The following FKBP15 variants were observed in gnomAD, a reference collection of about 807,000 sequenced individuals.
FKBP15 encodes the protein FKBP prolyl isomerase family member 15, also known as FK506-binding protein 15.
FKBP15 carries 106 observed loss-of-function variants against 158.1 expected under a neutral mutation model. The ratio of observed to expected loss-of-function variants is 0.67; its 90% CI spans 0.57 to 0.79. The LOEUF is 0.79. FKBP15 is among the 30% of genes least tolerant of loss of function. The pLI, the probability that FKBP15 is intolerant of heterozygous loss-of-function variation, is 0.00. For synonymous variants in FKBP15, 547 were observed against 548.6 expected (o/e 1.00, Z 0.04); for missense variants, 1,287 against 1,479.1 (o/e 0.87, Z 2.13).
At position 113,169,540 on chromosome 9, in the gene FKBP15, C is replaced by CA. The variant is rs1830165683; in HGVS notation, c.3168dup (p.Glu1057Ter). 6.2e-7 allele frequency: 1 copy of CA among 1,614,048 alleles called. No homozygotes were observed. The highest frequency in any genetic ancestry group is 8.5e-7 in the Non-Finnish European group (1 of 1,179,896). On this transcript the variant is annotated frameshift_variant, in exon 26 of 28. Transcript: ENST00000238256. LOFTEE classifies it high-confidence loss of function. The stretch of plus-strand genomic sequence containing the variant: ...CTGGCAGCAAGTGACTCCTCACACT[C>CA]AGAGTCCATGGATACAGGGCCTAGG...
rs1830753503 is a variant in FKBP15 at position 113,199,799 on chromosome 9, G to C, written c.648+15C>G. On this transcript the variant is annotated intron_variant, in intron 7 of 27. Coordinates refer to ENST00000238256, the MANE Select transcript of FKBP15 (RefSeq NM_015258.2). ...TATAAGTTTACAAAAGAACTTGCAG[G>C]GTGCATTTTCTTACCTGGCCCAGCA... The C allele has an allele frequency of 1.9e-6, 3 of 1,607,690 alleles. No homozygotes were observed. Among genetic ancestry groups the C allele is most frequent in the Non-Finnish European group, 8.5e-7 (1 of 1,177,050 alleles).
At chr9:113,212,262 C>T (rs1315803158) in intron 1 of FKBP15, among the ~76,000 whole-genome samples, 1 of 152,100 alleles carries the variant, frequency 6.6e-6, no homozygotes, top group Non-Finnish European at 1.5e-5. Flanking sequence ...GATCCCGGCT[C>T]ACTGCAACCT....
chr9:113,172,560 A>T (rs1830232893), intron 23 of FKBP15, among the ~76,000 whole-genome samples: 1 of 152,118 alleles, frequency 6.6e-6, no homozygotes, highest in African/African-American at 2.4e-5. Flanking sequence ...CCACTCCCTC[A>T]GCCCCCACCC....
At position 113,216,083 on chromosome 9, in the gene FKBP15, G is replaced by GAAAAAAAA. The variant is rs71491081; in HGVS notation, c.54-4499_54-4492dup. Among the ~76,000 whole-genome samples, 241 of 85,912 alleles carry GAAAAAAAA rather than the reference G, an allele frequency of 2.8e-3. 2 individuals carry two copies. Among genetic ancestry groups the GAAAAAAAA allele is most frequent in the African/African-American group, 3.5e-3 (79 of 22,662 alleles). 56.4% of individuals were successfully genotyped at this position (85,912 alleles called of 152,430 possible). A position where few individuals can be genotyped will look rare whatever the true frequency, so the allele number is the denominator to read the frequency against. On this transcript the variant is annotated intron_variant, in intron 1 of 27. Coordinates refer to ENST00000238256, the MANE Select transcript of FKBP15 (RefSeq NM_015258.2). ...GGGTTGGACACAACCTTTATTTTGT[G>GAAAAAAAA]AAAAAAAAAAAAAAAAAAATCTGCA...
chr9:113,168,069 T>A (rs559585526), intron 27 of FKBP15, among the ~76,000 whole-genome samples: 15 of 152,180 alleles, frequency 9.9e-5, no homozygotes, highest in Non-Finnish European at 1.8e-4. Flanking sequence ...TCAGGTTTTT[T>A]ATCTATGAAT....
chr9:113,171,073 C>G (rs929652827), intron 24 of FKBP15, among the ~76,000 whole-genome samples: 1 of 152,210 alleles, frequency 6.6e-6, no homozygotes, highest in Non-Finnish European at 1.5e-5. Context: ...GGGTTTGCCA[C>G]TTAATATGTA....
chr9:113,173,640 G>C (rs758566444), intron 22 of FKBP15, 35 bp from the exon 23 acceptor site: 164 of 1,596,736 alleles, frequency 1.0e-4, no homozygotes, highest in South Asian at 1.8e-4. Context: ...ATCATCCTTG[G>C]GGGTGGGGGA....
At chr9:113,214,179 G>C (rs949599385) in intron 1 of FKBP15, among the ~76,000 whole-genome samples, 1 of 152,146 alleles carries the variant, frequency 6.6e-6, no homozygotes, top group African/African-American at 2.4e-5. Flanking sequence ...ATTTTTTGTA[G>C]AGACAGGGTT....
At chr9:113,168,654 A>C in intron 26 of FKBP15, 98 bp from the exon 27 acceptor site, 1 of 1,003,838 alleles carries the variant, frequency 1.0e-6, no homozygotes, top group Non-Finnish European at 1.5e-6. Flanking sequence ...TAAGAATTCA[A>C]CAGCGTTGGT....
chr9:113,189,281 G>A (rs1250974660), intron 12 of FKBP15, among the ~76,000 whole-genome samples: 1 of 152,128 alleles, frequency 6.6e-6, no homozygotes, highest in Non-Finnish European at 1.5e-5. Context: ...TCTAATAACA[G>A]AGTGAAAGGA....
rs1184696905 is a variant in FKBP15, at chr9:113,162,492, C to T, written c.*3586G>A. On this transcript the variant is annotated 3_prime_UTR_variant, in exon 28 of 28. Coordinates refer to ENST00000238256, the MANE Select transcript of FKBP15 (RefSeq NM_015258.2). ...CAGAAAGACAGATTATAGATACCCT[C>T]ATTTTCCCCTTTGCCTAGGATGCCA... The T allele has an allele frequency of 2.8e-6, 1 of 354,206 alleles. No individual in the cohort carries two copies. The highest frequency in any genetic ancestry group is 2.2e-5 in the African/African-American group (1 of 45,556). 21.9% of individuals were successfully genotyped at this position (354,206 alleles called of 1,614,324 possible).
chr9:113,216,639 T>C (rs1251059777), intron 1 of FKBP15, among the ~76,000 whole-genome samples: 2 of 152,324 alleles, frequency 1.3e-5, no homozygotes, highest in East Asian at 1.9e-4. Flanking sequence ...CAGTGAAAAA[T>C]GTACAAAGCT....
intron 1 of FKBP15, among the ~76,000 whole-genome samples, chr9:113,214,237 C>T (rs756615158): frequency 8.5e-5 from 13 of 152,218 alleles, no homozygotes; most frequent in Non-Finnish European, 1.3e-4. Flanking sequence ...TCAAGTGATC[C>T]ACCCACCTTG....
intron 1 of FKBP15, among the ~76,000 whole-genome samples, chr9:113,216,472 G>A (rs920812434): frequency 2.5e-4 from 38 of 152,188 alleles, no homozygotes; most frequent in South Asian, 2.1e-4. Context: ...GATTGTAAAC[G>A]CAATGCTTGA....
Position 113,165,728 on chromosome 9 carries a change from T to G in FKBP15, c.*350A>C. 1 of 195,498 alleles carries G rather than the reference T, an allele frequency of 5.1e-6. No individual in the cohort carries two copies. Among genetic ancestry groups the G allele is most frequent in the Non-Finnish European group, 1.1e-5 (1 of 94,368 alleles). The allele number at this position is 195,498 out of a possible 1,614,324, so 12.1% of individuals were successfully genotyped here. A position where few individuals can be genotyped will look rare whatever the true frequency, so the allele number is the denominator to read the frequency against. ...GCCGGGGCACAGTTGAGCACTGGAT[T>G]CAGGTAGAGGAGGGCTCCCAGGTCA... On this transcript the variant is annotated 3_prime_UTR_variant, in exon 28 of 28. Transcript: ENST00000238256.
Position 113,215,618 on chromosome 9 carries a change from GTGTGTGTATA to G in FKBP15, c.54-4036_54-4027del, listed in dbSNP as rs1437080988. Among the ~76,000 whole-genome samples the G allele has an allele frequency of 3.9e-4, 45 of 114,958 alleles. 1 individual carries two copies. The East Asian group carries it at 6.5e-3, about 17-fold the overall frequency. The allele number at this position is 114,958 out of a possible 152,430, so 75.4% of individuals were successfully genotyped here. A position where few individuals can be genotyped will look rare whatever the true frequency, so the allele number is the denominator to read the frequency against. ...TATATATGTGTGCGTGTGTGTGTGTGTGTGTGTATATATATATATATATATATTTTTTTTT... is the reference window on the plus strand; with the variant it reads ...TATATATGTGTGCGTGTGTGTGTGTGTATATATATATATATATTTTTTTTT... On this transcript the variant is annotated intron_variant, in intron 1 of 27. Transcript: ENST00000238256.
Position 113,173,506 on chromosome 9 carries a change from C to G in FKBP15, c.2479G>C (p.Val827Leu), listed in dbSNP as rs200419662. ...TGGTAGGCATCTCTCTGTGCGCACA[C>G]CTCCTGGTACTGCTGCAGGTGCTCA... Reference protein sequence around the residue: ...KDEHLQQYQEVCAQRDAYQQK... With the variant: ...KDEHLQQYQELCAQRDAYQQK... Residue 827 changes from valine to leucine, a missense_variant, in exon 23 of 28, where the codon GTG (valine) becomes CTG (leucine). Transcript: ENST00000238256. 3 of 1,614,020 alleles carry G rather than the reference C, an allele frequency of 1.9e-6. No homozygotes were observed. In the Admixed American group the frequency reaches 5.0e-5, roughly 27 times the overall value.
At position 113,162,875 on chromosome 9, in the gene FKBP15, T is replaced by C. The variant is rs548766436; in HGVS notation, c.*3203A>G. On this transcript the variant is annotated 3_prime_UTR_variant, in exon 28 of 28. Coordinates refer to ENST00000238256, the MANE Select transcript of FKBP15 (RefSeq NM_015258.2). ...TCCTTGGTGTGGTCTTGGGCTCTGC[T>C]GTGGGCTACTACCTAGCTTACCCAC... The C allele has an allele frequency of 3.1e-6, 5 of 1,613,240 alleles. No individual in the cohort carries two copies. Among genetic ancestry groups the C allele is most frequent in the African/African-American group, 2.7e-5 (2 of 75,042 alleles).
Position 113,162,691 on chromosome 9 carries a change from C to G in FKBP15, c.*3387G>C. 6.6e-7 allele frequency: 1 copy of G among 1,513,670 alleles called. No homozygotes were observed. Among genetic ancestry groups the G allele is most frequent in the Non-Finnish European group, 9.0e-7 (1 of 1,110,910 alleles). The allele number at this position is 1,513,670 out of a possible 1,614,324, so 93.8% of individuals were successfully genotyped here. ...GCTTTCTACTCCCTGATATCTACTC[C>G]CAGCTTCCTCATTACCAGCTCATTA... On this transcript the variant is annotated 3_prime_UTR_variant, in exon 28 of 28. Transcript: ENST00000238256.
Sources: allele counts gnomAD v4.1 joint callset (sites outside exome capture counted in the v4.1 genomes callset), GRCh38; gene constraint gnomAD v4.1.1; transcripts MANE v1.5; gene names NCBI Gene and HGNC (gene_info 2026-07-23, HGNC 2026-07-21).